EYS: variants seen among roughly 807,000 people sequenced by gnomAD.
EYS encodes EGF-like photoreceptor maintenance factor.
Under a neutral mutation model 282.1 loss-of-function variants are expected in EYS, and 250 were observed. The ratio of observed to expected loss-of-function variants is 0.89; its 90% CI spans 0.80 to 0.98. The LOEUF (loss-of-function observed/expected upper bound fraction) is 0.98. EYS is among the 50% of genes least tolerant of loss of function. The pLI is 0.00. For synonymous variants in EYS, 1,355 were observed against 1,282.9 expected, an observed-to-expected ratio of 1.06 and a Z score of -1.20; for missense variants, 4,016 against 3,709.0, an observed-to-expected ratio of 1.08 and a Z score of -2.15.
chr6:64,876,790 T>C (rs973555442), intron 19 of EYS, among the ~76,000 whole-genome samples: 3 of 152,078 alleles, frequency 2.0e-5, no homozygotes, highest in Non-Finnish European at 2.9e-5. Flanking sequence ...CCAGATAGAA[T>C]AGCAGAGGCC....
intron 31 of EYS, among the ~76,000 whole-genome samples, chr6:64,090,049 C>T (rs554000702): frequency 3.5e-4 from 53 of 152,242 alleles, no homozygotes; most frequent in African/African-American, 1.2e-3. Flanking sequence ...AAAGCTCTGA[C>T]CCCACTTCCT....
intron 5 of EYS, among the ~76,000 whole-genome samples, chr6:65,488,475 G>C (rs879594406): frequency 2.0e-5 from 3 of 152,176 alleles, no homozygotes; most frequent in African/African-American, 2.4e-5. Context: ...GGAAATAAGA[G>C]AGGACACAAA....
At position 64,531,981 on chromosome 6, in the gene EYS, G is replaced by A. The variant is rs1764357488; in HGVS notation, c.5644+58242C>T. Among the ~76,000 whole-genome samples, 3 of 152,070 alleles carry A rather than the reference G, an allele frequency of 2.0e-5. No individual in the cohort carries two copies. The East Asian group carries it at 5.8e-4, about 29-fold the overall frequency. On this transcript the variant is annotated intron_variant, in intron 26 of 42. Coordinates refer to ENST00000503581, the MANE Select transcript of EYS (RefSeq NM_001142800.2). ...CATCCATTGCTGCAGTCTCAAATAG[G>A]TGGACATAAAGCATGAGAGGTAAGA... is the stretch of plus-strand genomic sequence containing the variant.
intron 2 of EYS, among the ~76,000 whole-genome samples, chr6:65,567,773 T>C (rs1764327712): frequency 6.6e-6 from 1 of 152,106 alleles, no homozygotes; most frequent in African/African-American, 2.4e-5. Flanking sequence ...CCAGTTTCTT[T>C]TCTAAGCTAG....
In EYS at chr6:65,653,979, C is replaced by T. The variant is rs114900564; in HGVS notation, c.-447-14087G>A. Among the ~76,000 whole-genome samples, 745 of 151,966 alleles carry T rather than the reference C, an allele frequency of 4.9e-3. 6 individuals are homozygous for T. The highest frequency in any genetic ancestry group is 0.017 in the African/African-American group (704 of 41,504). ...ACAACCCGAGCTGCCATTTTCATTT[C>T]CTGCCATGGATATCTGACAGTCCTT... On this transcript the variant is annotated intron_variant, in intron 1 of 42. Transcript: ENST00000503581.
intron 26 of EYS, among the ~76,000 whole-genome samples, chr6:64,552,321 C>T (rs542329875): frequency 3.6e-4 from 55 of 152,298 alleles, no homozygotes; most frequent in African/African-American, 1.3e-3. Context: ...ATTTATTTGA[C>T]ATATTTTGAA....
chr6:64,995,975 G>T (rs548298545), intron 14 of EYS, among the ~76,000 whole-genome samples: 18 of 152,218 alleles, frequency 1.2e-4, no homozygotes, highest in Admixed American at 3.3e-4. Flanking sequence ...TTATATTACA[G>T]GTATGGGGTT....
chr6:64,660,185 A>C (rs1355575879), intron 22 of EYS, among the ~76,000 whole-genome samples: 6 of 152,226 alleles, frequency 3.9e-5, no homozygotes, highest in Non-Finnish European at 8.8e-5. Flanking sequence ...AAAATTCAAC[A>C]ACACTTCATG....
intron 26 of EYS, among the ~76,000 whole-genome samples, chr6:64,515,592 T>C (rs1777537991): frequency 6.6e-6 from 1 of 151,502 alleles, no homozygotes; most frequent in Non-Finnish European, 1.5e-5. Flanking sequence ...TATTAATATA[T>C]TGATCAATTT....
intron 31 of EYS, among the ~76,000 whole-genome samples, chr6:64,100,460 C>T (rs1772787073): frequency 6.6e-6 from 1 of 151,828 alleles, no homozygotes; most frequent in Non-Finnish European, 1.5e-5. Flanking sequence ...TAATGAATCT[C>T]ACAGCCAAAA....
intron 2 of EYS, among the ~76,000 whole-genome samples, chr6:65,518,180 G>C (rs966342687): frequency 6.6e-6 from 1 of 152,018 alleles, no homozygotes; most frequent in Non-Finnish European, 1.5e-5. Flanking sequence ...TTATATCCAA[G>C]CATTCTGTTA....
intron 14 of EYS, among the ~76,000 whole-genome samples, chr6:64,985,991 A>G (rs1395276838): frequency 1.3e-5 from 2 of 151,422 alleles, no homozygotes; most frequent in African/African-American, 2.4e-5. Context: ...CTCCATACTC[A>G]TATCTCAATG....
At chr6:64,646,431 C>A (rs570177079) in intron 22 of EYS, among the ~76,000 whole-genome samples, 43 of 152,082 alleles carry the variant, frequency 2.8e-4, no homozygotes, top group Non-Finnish European at 3.7e-4. Flanking sequence ...ATTTAACCTT[C>A]TTTTCCCAAA....
chr6:64,891,607 C>T (rs997731926), intron 18 of EYS, among the ~76,000 whole-genome samples: 1 of 152,088 alleles, frequency 6.6e-6, no homozygotes, highest in African/African-American at 2.4e-5. Flanking sequence ...TGGTATTTTC[C>T]TTTCGCTATT....
At chr6:64,938,922 T>A (rs192582728) in intron 15 of EYS, among the ~76,000 whole-genome samples, 2 of 151,822 alleles carry the variant, frequency 1.3e-5, no homozygotes, top group Admixed American at 6.6e-5. Flanking sequence ...GGAACATATC[T>A]CCCTTGGAAT....
intron 31 of EYS, among the ~76,000 whole-genome samples, chr6:64,206,161 T>A: frequency 6.6e-6 from 1 of 152,262 alleles, no homozygotes; most frequent in African/African-American, 2.4e-5. Context: ...CTAAAAATTA[T>A]AAAAATAAGT....
chr6:65,046,808 G>A (rs1287015213), intron 13 of EYS, among the ~76,000 whole-genome samples: 4 of 151,926 alleles, frequency 2.6e-5, no homozygotes, highest in Admixed American at 6.6e-5. Flanking sequence ...AATTCTCAAA[G>A]TTGGGGAGGA....
chr6:65,494,804 G>A lies in EYS; in HGVS notation c.607C>T (p.Gln203Ter), dbSNP rs1766182274. ...AWSKTYSCHC[Q>*]PPFSGKYCQE... ...CAGTATTTTCCAGAAAATGGAGGCT[G>A]GCAATGGCAGCTATATGTCTTGCTC... The change falls in exon 4 of 43, where the codon CAG (glutamine) becomes TAG (stop). Residue 203 changes from glutamine (Q) to a stop codon, truncating the protein, a stop_gained. Coordinates refer to ENST00000503581, the MANE Select transcript of EYS (RefSeq NM_001142800.2). LOFTEE classifies it high-confidence loss of function. 1 of 1,614,016 alleles carries A rather than the reference G, an allele frequency of 6.2e-7. No individual in the cohort carries two copies. The highest frequency in any genetic ancestry group is 8.5e-7 in the Non-Finnish European group (1 of 1,179,994).
chr6:64,501,100 T>A (rs1777026123), intron 26 of EYS, among the ~76,000 whole-genome samples: 1 of 151,642 alleles, frequency 6.6e-6, no homozygotes, highest in South Asian at 2.1e-4. Flanking sequence ...TTTTTTTAAC[T>A]TTTTATTTAC....
Sources: gnomAD v4.1 joint callset for allele counts (sites outside exome capture counted in the v4.1 genomes callset) on GRCh38, gnomAD v4.1.1 for gene constraint, MANE v1.5 for transcripts, NCBI Gene and HGNC (gene_info 2026-07-23, HGNC 2026-07-21) for gene names.